Variants in ATP8A2 observed in about 807,000 individuals in gnomAD.
ATP8A2 encodes phospholipid-transporting ATPase IB.
Under a neutral mutation model 165.6 loss-of-function variants are expected in ATP8A2, and 100 were observed. The observed-to-expected ratio is 0.60, with a 90% CI of 0.51 to 0.71. The LOEUF (loss-of-function observed/expected upper bound fraction) is 0.71. Ranked by LOEUF, ATP8A2 falls within the 30% of genes least tolerant of loss-of-function variation. The pLI, the probability that ATP8A2 is intolerant of heterozygous loss-of-function variation, is 0.00. For synonymous variants in ATP8A2, 543 were observed against 548.8 expected, an observed-to-expected ratio of 0.99 and a Z score of 0.15; for missense variants, 1,227 against 1,479.5, an observed-to-expected ratio of 0.83 and a Z score of 2.80.
Position 25,571,691 on chromosome 13 carries a change from C to T in ATP8A2, c.1661C>T (p.Ala554Val), listed in dbSNP as rs1342694245. The T allele has an allele frequency of 8.1e-6, 13 of 1,613,168 alleles. No homozygotes were observed. The highest frequency in any genetic ancestry group is 1.3e-5 in the African/African-American group (1 of 74,900). The change falls in exon 18 of 37, where the codon GCG (alanine) becomes GTG (valine). Residue 554 changes from alanine (A) to valine (V), a missense_variant and splice_region_variant. Around this residue, in one of 5 missense-constraint regions of ATP8A2, gnomAD observed 592 missense variants for 785.6 expected, o/e 0.75. Transcript: ENST00000381655. ...ARTPFSVIIE[A>V]MGQEQTFGIL... Reference sequence around the variant, plus strand: ...ACACCATTCTCAGTCATCATAGAAGCGGTGAGTAACATGCGTGTGCACATT... The same window carrying T: ...ACACCATTCTCAGTCATCATAGAAGTGGTGAGTAACATGCGTGTGCACATT...
chr13:25,704,316 T>A (rs1210267366), intron 25 of ATP8A2, among the ~76,000 whole-genome samples: 4 of 150,936 alleles, frequency 2.7e-5, no homozygotes, highest in Non-Finnish European at 5.9e-5. Flanking sequence ...CCAGTTTCTG[T>A]ACATCCAACC....
chr13:25,766,633 T>G (rs1344056373), intron 25 of ATP8A2, among the ~76,000 whole-genome samples: 1 of 152,168 alleles, frequency 6.6e-6, no homozygotes, highest in Non-Finnish European at 1.5e-5. Context: ...TGCAGTGTGA[T>G]TTATTGTTGA....
At chr13:25,602,256 T>C (rs1173541594) in intron 24 of ATP8A2, among the ~76,000 whole-genome samples, 2 of 152,318 alleles carry the variant, frequency 1.3e-5, no homozygotes, top group East Asian at 3.9e-4. Context: ...CATTTTTTCT[T>C]AGGGTTCTGT....
At chr13:25,664,390 G>T (rs189816606) in intron 24 of ATP8A2, among the ~76,000 whole-genome samples, 7 of 152,082 alleles carry the variant, frequency 4.6e-5, no homozygotes, top group Non-Finnish European at 8.8e-5. Context: ...CCTCACCCAC[G>T]CCTCTTCTGG....
intron 1 of ATP8A2, among the ~76,000 whole-genome samples, chr13:25,451,560 T>C (rs779749254): frequency 3.3e-5 from 5 of 152,134 alleles, no homozygotes; most frequent in Admixed American, 6.5e-5. Context: ...ATTTACTTTG[T>C]CGATTTGTGT....
At chr13:25,548,170 G>A (rs1348247992) in intron 10 of ATP8A2, among the ~76,000 whole-genome samples, 1 of 152,102 alleles carries the variant, frequency 6.6e-6, no homozygotes, top group African/African-American at 2.4e-5. Context: ...AGGTTGCAGT[G>A]ATCCATGATC....
chr13:25,738,985 A>G (rs989034280), intron 25 of ATP8A2, among the ~76,000 whole-genome samples: 3 of 152,244 alleles, frequency 2.0e-5, no homozygotes, highest in Admixed American at 1.3e-4. Flanking sequence ...CGTAAGTCCA[A>G]CTTATCTTGT....
chr13:25,613,143 A>G (rs2040731949), intron 24 of ATP8A2, among the ~76,000 whole-genome samples: 1 of 152,184 alleles, frequency 6.6e-6, no homozygotes, highest in South Asian at 2.1e-4. Context: ...TTGAGATGTA[A>G]GGTACTATTC....
At chr13:25,481,812 C>G (rs771608698) in intron 2 of ATP8A2, among the ~76,000 whole-genome samples, 1 of 152,020 alleles carries the variant, frequency 6.6e-6, no homozygotes, top group Admixed American at 6.6e-5. Context: ...AGAGCAAGAG[C>G]GAGAGTGAAG....
At chr13:25,776,994 GC>G (rs1211271478) in intron 27 of ATP8A2, among the ~76,000 whole-genome samples, 2 of 152,008 alleles carry the variant, frequency 1.3e-5, no homozygotes, top group East Asian at 3.9e-4. Context: ...CTTCAAGTGG[GC>G]TGAGTCTGAG....
intron 1 of ATP8A2, among the ~76,000 whole-genome samples, chr13:25,418,301 C>T (rs185589082): frequency 6.6e-6 from 1 of 152,120 alleles, no homozygotes; most frequent in Non-Finnish European, 1.5e-5. Flanking sequence ...CATCAGCTGA[C>T]GTTTTCTTGC....
At chr13:25,396,485 G>A (rs549593057) in intron 1 of ATP8A2, among the ~76,000 whole-genome samples, 6 of 152,224 alleles carry the variant, frequency 3.9e-5, no homozygotes, top group Non-Finnish European at 5.9e-5. Context: ...GGCAAAAGAA[G>A]GTCAGAGAGA....
chr13:25,650,357 C>T (rs1010971769), intron 24 of ATP8A2, among the ~76,000 whole-genome samples: 5 of 152,188 alleles, frequency 3.3e-5, no homozygotes, highest in South Asian at 4.2e-4. Context: ...TTGCTGATGT[C>T]GTCTGAATTC....
intron 25 of ATP8A2, among the ~76,000 whole-genome samples, chr13:25,764,920 A>G (rs1421749929): frequency 6.6e-6 from 1 of 152,206 alleles, no homozygotes; most frequent in Non-Finnish European, 1.5e-5. Context: ...CGGAGGAGGT[A>G]AAGAATCTGC....
intron 33 of ATP8A2, among the ~76,000 whole-genome samples, chr13:25,919,386 T>G (rs920841504): frequency 6.6e-6 from 1 of 152,128 alleles, no homozygotes; most frequent in Non-Finnish European, 1.5e-5. Context: ...ATAACTGTAT[T>G]CAGATCTCCA....
chr13:25,573,111 A>G (rs890487720), intron 18 of ATP8A2, among the ~76,000 whole-genome samples: 1 of 152,212 alleles, frequency 6.6e-6, no homozygotes, highest in Non-Finnish European at 1.5e-5. Flanking sequence ...TTTCCCGTAC[A>G]GAAGCTTTTT....
intron 36 of ATP8A2, 99 bp from the exon 37 acceptor site, chr13:26,019,789 C>T: frequency 1.3e-6 from 1 of 771,540 alleles, no homozygotes; most frequent in Non-Finnish European, 2.2e-6. Flanking sequence ...AGATGTCGCA[C>T]TCACCCGCAC....
At chr13:26,015,759 G>C (rs113078955) in intron 36 of ATP8A2, among the ~76,000 whole-genome samples, 1 of 152,198 alleles carries the variant, frequency 6.6e-6, no homozygotes, top group Admixed American at 6.5e-5. Flanking sequence ...AAGCCAGCCA[G>C]GGAAAGTTCA....
chr13:25,903,288 G>A (rs1017745829), intron 33 of ATP8A2, among the ~76,000 whole-genome samples: 5 of 152,052 alleles, frequency 3.3e-5, no homozygotes, highest in Non-Finnish European at 5.9e-5. Flanking sequence ...TAACCCTGCC[G>A]TTGCATTTGA....
Sources: gnomAD v4.1 joint callset for allele counts (sites outside exome capture counted in the v4.1 genomes callset) on GRCh38, gnomAD v4.1.1 for gene constraint, gnomAD v4.1.1 regional missense constraint, MANE v1.5 for transcripts, NCBI Gene and HGNC (gene_info 2026-07-23, HGNC 2026-07-21) for gene names.